The following NBAS variants were observed in gnomAD, a reference collection of about 807,000 sequenced individuals.
NBAS encodes NBAS subunit of NRZ tethering complex, also known as NAG/BC035112 fusion.
Under a neutral mutation model 302.5 loss-of-function variants are expected in NBAS, and 219 were observed. The ratio of observed to expected loss-of-function variants is 0.72; its 90% CI spans 0.65 to 0.81. NBAS has a LOEUF of 0.81. Ranked by LOEUF, NBAS falls within the 30% of genes least tolerant of loss-of-function variation. NBAS has a pLI of 0.00. For missense variants in NBAS, 2,932 were observed against 2,841.6 expected, an observed-to-expected ratio of 1.03 and a Z score of -0.72; for synonymous variants, 1,118 against 1,021.6, an observed-to-expected ratio of 1.09 and a Z score of -1.80.
At chr2:14,986,135 G>T in the NBAS span, among the ~76,000 whole-genome samples, 4 of 151,988 alleles carry the variant, frequency 2.6e-5, no homozygotes, top group Non-Finnish European at 5.9e-5. Flanking sequence ...TTTTAGCTAG[G>T]AATTATCTTA....
intron 21 of NBAS, among the ~76,000 whole-genome samples, chr2:15,439,039 T>C (rs1678186912): frequency 6.6e-6 from 1 of 152,118 alleles, no homozygotes. Context: ...CTCATGCCTG[T>C]AATCCCAGCA....
intron 15 of NBAS, among the ~76,000 whole-genome samples, chr2:15,473,700 C>T (rs1467561708): frequency 1.3e-5 from 2 of 152,178 alleles, no homozygotes; most frequent in Non-Finnish European, 2.9e-5. Flanking sequence ...GTCACCTCGG[C>T]TTCCCAAGCA....
chr2:15,327,584 A>C (rs995070364), intron 38 of NBAS, among the ~76,000 whole-genome samples, 166 bp downstream of exon 38: 3 of 152,204 alleles, frequency 2.0e-5, no homozygotes, highest in Non-Finnish European at 4.4e-5. Flanking sequence ...TAAGTGTTTT[A>C]AACAAAATTA....
intron 21 of NBAS, among the ~76,000 whole-genome samples, chr2:15,437,921 T>G (rs1176831170): frequency 6.6e-6 from 1 of 152,130 alleles, no homozygotes. Flanking sequence ...GGTCCAAGAA[T>G]GAAGTGGGAT....
At chr2:15,110,555 G>C in the NBAS span, among the ~76,000 whole-genome samples, 2 of 152,110 alleles carry the variant, frequency 1.3e-5, no homozygotes, top group Admixed American at 6.5e-5. Flanking sequence ...GAGTGATGGA[G>C]AGAGGCTGAA....
At chr2:15,250,727 A>G (rs181568442) in intron 44 of NBAS, among the ~76,000 whole-genome samples, 120 of 152,364 alleles carry the variant, frequency 7.9e-4, no homozygotes, top group Middle Eastern at 3.4e-3. Flanking sequence ...ATCACTGTTC[A>G]TTAGAGAAAT....
At chr2:15,178,221 C>A (rs1664645417) in intron 51 of NBAS, 4 of 461,898 alleles carry the variant, frequency 8.7e-6, no homozygotes. Context: ...TGTATATATA[C>A]AATGTAAAAT....
intron 9 of NBAS, among the ~76,000 whole-genome samples, chr2:15,520,990 T>C (rs1453151451): frequency 6.6e-6 from 1 of 152,252 alleles, no homozygotes; most frequent in Non-Finnish European, 1.5e-5. Context: ...AAGTATCTGG[T>C]CATCAGTAAA....
intron 47 of NBAS, among the ~76,000 whole-genome samples, chr2:15,225,898 A>G (rs1473422961): frequency 6.6e-6 from 1 of 152,248 alleles, no homozygotes; most frequent in Non-Finnish European, 1.5e-5. Context: ...AGGCAAAGGC[A>G]GAGAGAAGCA....
chr2:15,395,169 T>C (rs970739026), intron 27 of NBAS, among the ~76,000 whole-genome samples: 2 of 152,124 alleles, frequency 1.3e-5, no homozygotes, highest in African/African-American at 4.8e-5. Context: ...AAGTGTTTCC[T>C]TGAGGTACTG....
At chr2:14,883,894 G>C in the NBAS span, among the ~76,000 whole-genome samples, 1 of 151,674 alleles carries the variant, frequency 6.6e-6, no homozygotes, top group African/African-American at 2.4e-5. Context: ...CTATGAGGTT[G>C]AGACTGCAGT....
chr2:15,114,697 G>A, the NBAS span, among the ~76,000 whole-genome samples: 996 of 152,284 alleles, frequency 6.5e-3, 3 homozygotes, highest in Middle Eastern at 0.02. Flanking sequence ...TGATTGACAG[G>A]TGCACGTGGA....
chr2:15,011,525 C>A, the NBAS span, among the ~76,000 whole-genome samples: 4 of 152,160 alleles, frequency 2.6e-5, no homozygotes, highest in Non-Finnish European at 2.9e-5. Flanking sequence ...GTCAGCTAAG[C>A]AGCTGTGCAC....
intron 12 of NBAS, among the ~76,000 whole-genome samples, chr2:15,479,016 G>A (rs530620946): frequency 9.1e-4 from 138 of 152,218 alleles, no homozygotes; most frequent in Non-Finnish European, 4.1e-4. Context: ...TAAAAAAAGC[G>A]TTGCTATACT....
chr2:14,949,447 A>G, the NBAS span, among the ~76,000 whole-genome samples: 6 of 152,210 alleles, frequency 3.9e-5, no homozygotes, highest in African/African-American at 1.2e-4. Context: ...GATATTTCTC[A>G]AAAGAAGACA....
chr2:15,149,434 A>G, the NBAS span, among the ~76,000 whole-genome samples: 1 of 152,230 alleles, frequency 6.6e-6, no homozygotes, highest in Non-Finnish European at 1.5e-5. Flanking sequence ...CTATTATTTT[A>G]TAGTAACCTC....
At chr2:14,830,054 A>G in the NBAS span, among the ~76,000 whole-genome samples, 1 of 152,174 alleles carries the variant, frequency 6.6e-6, no homozygotes, top group Admixed American at 6.5e-5. Context: ...CAGCTGCATC[A>G]TCTGGGATAC....
chr2:15,524,156 C>T (rs978479187), intron 9 of NBAS, among the ~76,000 whole-genome samples: 6 of 152,150 alleles, frequency 3.9e-5, no homozygotes, highest in African/African-American at 1.2e-4. Flanking sequence ...CTCTGTGACA[C>T]CACAGATTTT....
At chr2:14,944,419 A>G in the NBAS span, among the ~76,000 whole-genome samples, 1 of 152,198 alleles carries the variant, frequency 6.6e-6, no homozygotes, top group Non-Finnish European at 1.5e-5. Context: ...CCAACCCTAC[A>G]AGGTCGGTAC....
Sources: gnomAD v4.1 joint callset for allele counts (sites outside exome capture counted in the v4.1 genomes callset) on GRCh38, gnomAD v4.1.1 for gene constraint, MANE v1.5 for transcripts, NCBI Gene and HGNC (gene_info 2026-07-23, HGNC 2026-07-21) for gene names.